UBE2E2: variants seen among roughly 807,000 people sequenced by gnomAD.
The protein encoded by UBE2E2 is ubiquitin conjugating enzyme E2 E2.
A neutral mutation model predicts 24.7 loss-of-function variants in UBE2E2; 6 were observed. The observed-to-expected ratio is 0.24, with a 90% CI of 0.13 to 0.48. The LOEUF (loss-of-function observed/expected upper bound fraction) is 0.48. Ranked by LOEUF, UBE2E2 falls within the 20% of genes least tolerant of loss-of-function variation. The pLI is 0.99. For synonymous variants in UBE2E2, 104 were observed against 83.6 expected (o/e 1.24, Z -1.33); for missense variants, 169 against 245.0 (o/e 0.69, Z 2.07).
intron 3 of UBE2E2, among the ~76,000 whole-genome samples, chr3:23,269,371 G>A (rs1041209303): frequency 1.3e-4 from 20 of 152,222 alleles, no homozygotes; most frequent in East Asian, 5.8e-4. Flanking sequence ...AAACAAACCC[G>A]CTTGGAGTTG....
At chr3:23,258,752 G>A (rs1026419040) in intron 3 of UBE2E2, among the ~76,000 whole-genome samples, 4 of 151,792 alleles carry the variant, frequency 2.6e-5, no homozygotes, top group African/African-American at 9.7e-5. Context: ...AATTAGCCGG[G>A]CGTGGTGGCG....
intron 3 of UBE2E2, among the ~76,000 whole-genome samples, chr3:23,354,216 C>T (rs1053477352): frequency 1.3e-5 from 2 of 152,046 alleles, no homozygotes; most frequent in Non-Finnish European, 2.9e-5. Flanking sequence ...CCCTTCCTTA[C>T]ACCTTATACA....
chr3:23,337,371 C>A (rs1199878879), intron 3 of UBE2E2, among the ~76,000 whole-genome samples: 1 of 152,040 alleles, frequency 6.6e-6, no homozygotes, highest in African/African-American at 2.4e-5. Flanking sequence ...ACTAATTCGG[C>A]CCTGTTTCTG....
intron 3 of UBE2E2, among the ~76,000 whole-genome samples, chr3:23,463,150 C>T (rs1470403903): frequency 6.6e-6 from 1 of 151,970 alleles, no homozygotes; most frequent in Admixed American, 6.6e-5. Flanking sequence ...CTTGTAAGTG[C>T]CCCTTACTTA....
At position 23,430,681 on chromosome 3, in the gene UBE2E2, G is replaced by C. The variant is rs374337119; in HGVS notation, c.228-68927G>C. Among the ~76,000 whole-genome samples, 21 of 152,042 alleles carry C rather than the reference G, an allele frequency of 1.4e-4. No individual in the cohort carries two copies. The East Asian group carries it at 2.3e-3, about 17-fold the overall frequency. On this transcript the variant is annotated intron_variant, in intron 3 of 5. Coordinates refer to ENST00000396703, the MANE Select transcript of UBE2E2 (RefSeq NM_152653.4). ...CTACAGGCATGTGCCACTGCCCCTG[G>C]CTTATTTACTTATTTCTTTTGTAGA...
At chr3:23,452,802 A>G (rs1698594841) in intron 3 of UBE2E2, among the ~76,000 whole-genome samples, 1 of 152,082 alleles carries the variant, frequency 6.6e-6, no homozygotes, top group Non-Finnish European at 1.5e-5. Flanking sequence ...GAAGGACCAT[A>G]ATTTACTACA....
At chr3:23,366,404 C>T (rs956538436) in intron 3 of UBE2E2, among the ~76,000 whole-genome samples, 1 of 152,176 alleles carries the variant, frequency 6.6e-6, no homozygotes, top group African/African-American at 2.4e-5. Flanking sequence ...TTGGAATCAA[C>T]CTAAATACCC....
chr3:23,277,862 G>C (rs1261329313), intron 3 of UBE2E2, among the ~76,000 whole-genome samples: 2 of 152,036 alleles, frequency 1.3e-5, no homozygotes, highest in Non-Finnish European at 2.9e-5. Flanking sequence ...AATTACATAA[G>C]CTTTGAGGAC....
intron 3 of UBE2E2, among the ~76,000 whole-genome samples, chr3:23,284,465 C>T (rs192308463): frequency 2.6e-4 from 39 of 152,150 alleles, no homozygotes; most frequent in Admixed American, 2.3e-3. Context: ...TTGGGGAGCA[C>T]TCCCCAAGGC....
Position 23,571,446 on chromosome 3 carries a change from C to T in UBE2E2, c.509-18288C>T, listed in dbSNP as rs192791245. On this transcript the variant is annotated intron_variant, in intron 5 of 5. Coordinates refer to ENST00000396703, the MANE Select transcript of UBE2E2 (RefSeq NM_152653.4). ...CCGGGATTACAGGCGTGTGCCACCA[C>T]GCCTGGCTAATTTTTGTATTTTTAG... Among the ~76,000 whole-genome samples, 99 of 151,478 alleles carry T rather than the reference C, an allele frequency of 6.5e-4. 5 individuals are homozygous for T. In the East Asian group the frequency reaches 0.015, roughly 23 times the overall value.
chr3:23,230,034 C>T (rs1422277428), intron 3 of UBE2E2, among the ~76,000 whole-genome samples: 1 of 152,164 alleles, frequency 6.6e-6, no homozygotes, highest in East Asian at 1.9e-4. Context: ...TGTATAAATA[C>T]ATATATACAT....
intron 3 of UBE2E2, among the ~76,000 whole-genome samples, chr3:23,369,505 T>C (rs1290771925): frequency 1.3e-5 from 2 of 152,214 alleles, no homozygotes; most frequent in African/African-American, 4.8e-5. Context: ...GACATGCATA[T>C]TACATTTTTG....
intron 1 of UBE2E2, among the ~76,000 whole-genome samples, chr3:23,208,481 A>G (rs1696213856): frequency 6.6e-6 from 1 of 152,184 alleles, no homozygotes. Flanking sequence ...CATTTCATGT[A>G]TAAATTTTGT....
intron 3 of UBE2E2, among the ~76,000 whole-genome samples, chr3:23,483,955 T>G (rs1290290914): frequency 6.6e-6 from 1 of 152,160 alleles, no homozygotes; most frequent in Non-Finnish European, 1.5e-5. Flanking sequence ...GAATCTCAGC[T>G]GGGGAGGGAG....
At chr3:23,452,840 A>T (rs1005416987) in intron 3 of UBE2E2, among the ~76,000 whole-genome samples, 3 of 151,984 alleles carry the variant, frequency 2.0e-5, no homozygotes, top group Non-Finnish European at 4.4e-5. Context: ...CAGAGTTAGG[A>T]TGGACAAGTT....
rs182394933 is a variant in UBE2E2 at position 23,275,084 on chromosome 3, A to T, written c.227+57772A>T. Among the ~76,000 whole-genome samples, 485 of 152,144 alleles carry T rather than the reference A, an allele frequency of 3.2e-3. 11 individuals carry two copies. Among genetic ancestry groups the T allele is most frequent in the Non-Finnish European group, 6.6e-4 (45 of 68,002 alleles). ...GTAAAGCGTTGTGTTAGGCAGGGGG[A>T]CTGCAGTAATGAGCAACCAACCATT... On this transcript the variant is annotated intron_variant, in intron 3 of 5. Coordinates refer to ENST00000396703, the MANE Select transcript of UBE2E2 (RefSeq NM_152653.4).
At chr3:23,524,706 T>C (rs1694951962) in intron 4 of UBE2E2, among the ~76,000 whole-genome samples, 1 of 152,198 alleles carries the variant, frequency 6.6e-6, no homozygotes. Context: ...CTGTGTTCTT[T>C]TATGCTTTAG....
At position 23,500,988 on chromosome 3, in the gene UBE2E2, G is replaced by A. The variant is rs1229641797; in HGVS notation, c.360+1248G>A. Among the ~76,000 whole-genome samples the A allele has an allele frequency of 2.0e-5, 3 of 152,076 alleles. No homozygotes were observed. In the East Asian group the frequency reaches 5.8e-4, roughly 29 times the overall value. On this transcript the variant is annotated intron_variant, in intron 4 of 5. Transcript: ENST00000396703. ...GACCACCAAGAGCTTGCATTTGGTA[G>A]GTTTTCAATGACAAAGCCATGGTAA...
At chr3:23,397,557 GTAACCACTGTTTGTTA>G (rs1697108147) in intron 3 of UBE2E2, among the ~76,000 whole-genome samples, 1 of 151,986 alleles carries the variant, frequency 6.6e-6, no homozygotes, top group Non-Finnish European at 1.5e-5. Context: ...TCTCCCATAG[GTAACCACTGTTTGTTA>G]TAATCACTTC....
Sources: allele counts gnomAD v4.1 joint callset (sites outside exome capture counted in the v4.1 genomes callset), GRCh38; gene constraint gnomAD v4.1.1; transcripts MANE v1.5; gene names NCBI Gene and HGNC (gene_info 2026-07-23, HGNC 2026-07-21).